SCN4A: variants seen among roughly 807,000 people sequenced by gnomAD.
SCN4A encodes the protein sodium channel protein type 4 subunit alpha.
In SCN4A, 83 loss-of-function variants were observed where a neutral mutation model predicts 162.0. The ratio of observed to expected loss-of-function variants is 0.51; its 90% CI spans 0.43 to 0.61. SCN4A has a LOEUF of 0.61. SCN4A is among the 20% of genes least tolerant of loss of function. SCN4A has a pLI of 0.00. For synonymous variants in SCN4A, 944 were observed against 985.1 expected (o/e 0.96, Z 0.78); for missense variants, 2,196 against 2,462.5 (o/e 0.89, Z 2.29).
rs779573211 is a variant in SCN4A, at chr17:63,959,322, C to T, written c.1962G>A (p.Leu654=). 1 of 1,613,986 alleles carries T rather than the reference C, an allele frequency of 6.2e-7. No individual in the cohort carries two copies. Among genetic ancestry groups the T allele is most frequent in the Non-Finnish European group, 8.5e-7 (1 of 1,179,872 alleles). The change falls in exon 12 of 24, where the codon CTG becomes CTA. Residue 654 remains leucine, a synonymous_variant. Transcript: ENST00000435607. Reference sequence around the variant, plus strand: ...GTACGTTGGCCAGGCCTAGCTCTACCAGGCTGAGGGTGACGATGATGCTGT... The same window carrying T: ...GTACGTTGGCCAGGCCTAGCTCTACTAGGCTGAGGGTGACGATGATGCTGT... ...IFDSIIVTLS[L]VELGLANVQG...
At position 63,951,940 on chromosome 17, in the gene SCN4A, G is replaced by A. The variant is rs1272491983; in HGVS notation, c.2377-40C>T. ...CAGGGGGAGCCTCACATCAGTCCCC[G>A]GGACCCAGAGGGTGCCACCTTCAGC... On this transcript the variant is annotated intron_variant, in intron 13 of 23. Transcript: ENST00000435607. The surrounding 1 kb of genome is among the most constrained non-coding windows in gnomAD (Gnocchi z 4.5). The A allele has an allele frequency of 1.8e-5, 23 of 1,302,678 alleles. No homozygotes were observed. The East Asian group carries it at 2.5e-4, about 14-fold the overall frequency. The allele number at this position is 1,302,678 out of a possible 1,614,324, so 80.7% of individuals were successfully genotyped here.
Position 63,941,081 on chromosome 17 carries a change from A to G in SCN4A, c.5201T>C (p.Ile1734Thr), listed in dbSNP as rs867550673. Residue 1734 changes from isoleucine to threonine, a missense_variant, in exon 24 of 24, where the codon ATC (isoleucine) becomes ACC (threonine). Transcript: ENST00000435607. This position sits in a 1 kb window ranked among gnomAD's most constrained non-coding sequence, Gnocchi z 6.2. The stretch of plus-strand genomic sequence containing the variant: ...CAGGTGCCGGCGGTAGGCCCTCTGG[A>G]TCTTGATGGCGCACACCTCCTCGTG... Reference protein sequence around the residue: ...RKHEEVCAIKIQRAYRRHLLQ... With the variant: ...RKHEEVCAIKTQRAYRRHLLQ... The G allele has an allele frequency of 6.2e-7, 1 of 1,613,656 alleles. No individual in the cohort carries two copies. Among genetic ancestry groups the G allele is most frequent in the Non-Finnish European group, 8.5e-7 (1 of 1,179,834 alleles).
At chr17:63,961,488 G>C (rs1001530241) in intron 10 of SCN4A, 57 bp from the exon 11 acceptor site, 8 of 1,275,724 alleles carry the variant, frequency 6.3e-6, no homozygotes, top group African/African-American at 1.5e-5. Flanking sequence ...CGTGCCCCCG[G>C]CTCCAGCTAG....
At position 63,961,290 on chromosome 17, in the gene SCN4A, C is replaced by T. The variant is rs2144798738; in HGVS notation, c.1748G>A (p.Gly583Asp). 1.2e-6 allele frequency: 2 copies of T among 1,613,466 alleles called. No homozygotes were observed. Among genetic ancestry groups the T allele is most frequent in the South Asian group, 2.2e-5 (2 of 91,056 alleles). ...LIVMDPFVDL[G>D]ITICIVLNTL... The stretch of plus-strand genomic sequence containing the variant: ...GTTGAGCACGATGCAGATGGTGATG[C>T]CCAGGTCCACGAACGGGTCCATGAC... Residue 583 changes from glycine (G) to aspartate (D), a missense_variant, in exon 11 of 24, where the codon GGC (glycine) becomes GAC (aspartate). Physicochemically the swap from Gly to Asp is moderately conservative, Grantham distance 94. Transcript: ENST00000435607.
At chr17:63,960,997 A>C (rs1200422359) in intron 11 of SCN4A, among the ~76,000 whole-genome samples, 196 bp downstream of exon 11, 56 of 111,386 alleles carry the variant, frequency 5.0e-4, no homozygotes, top group African/African-American at 1.8e-3. Context: ...CTGAAACCCC[A>C]GTTCTGTGTG....
At chr17:63,949,742 T>G in intron 14 of SCN4A, 3 of 511,104 alleles carry the variant, frequency 5.9e-6, no homozygotes, top group South Asian at 2.7e-5. Flanking sequence ...ATATAAGGAG[T>G]GGGGCGGGGC....
rs776175702 is a variant in SCN4A at position 63,961,181 on chromosome 17, G to A, written c.1845+12C>T. ...CTGCCCATGAATGATCCCCTCCCCCGCCCCTCCCTACCAGGTTGCCCACAG... is the reference window on the plus strand; with the variant it reads ...CTGCCCATGAATGATCCCCTCCCCCACCCCTCCCTACCAGGTTGCCCACAG... On this transcript the variant is annotated intron_variant, in intron 11 of 23. Coordinates refer to ENST00000435607, the MANE Select transcript of SCN4A (RefSeq NM_000334.4). 7 of 388,946 alleles carry A rather than the reference G, an allele frequency of 1.8e-5. No individual in the cohort carries two copies. Among genetic ancestry groups the A allele is most frequent in the African/African-American group, 5.0e-5 (1 of 20,052 alleles). 24.1% of individuals were successfully genotyped at this position (388,946 alleles called of 1,614,324 possible). A position where few individuals can be genotyped will look rare whatever the true frequency, so the allele number is the denominator to read the frequency against.
At position 63,940,919 on chromosome 17, in the gene SCN4A, C is replaced by T. The variant is rs1374689731; in HGVS notation, c.5363G>A (p.Ser1788Asn). 6.2e-6 allele frequency: 10 copies of T among 1,613,852 alleles called. No homozygotes were observed. Among genetic ancestry groups the T allele is most frequent in the Non-Finnish European group, 7.6e-6 (9 of 1,179,886 alleles). The change falls in exon 24 of 24, where the codon AGC becomes AAC. Residue 1788 changes from serine to asparagine, a missense_variant. Physicochemically the swap from Ser to Asn is conservative, Grantham distance 46. Coordinates refer to ENST00000435607, the MANE Select transcript of SCN4A (RefSeq NM_000334.4). ...GCCCTTCTCCTCCGGGCTTGGCGAG[C>T]TGCTGTTCCCATTCTCGTGGCCATA... ...KMYGHENGNS[S>N]SPSPEEKGEA...
chr17:63,941,752 C>T lies in SCN4A; in HGVS notation c.4530G>A (p.Glu1510=). The change falls in exon 24 of 24, where the codon GAG becomes GAA. Residue 1510 remains glutamate (E), a synonymous_variant. Transcript: ENST00000435607. This position sits in a 1 kb window ranked among gnomAD's most constrained non-coding sequence, Gnocchi z 6.2. ...GMSNFAYVKK[E]SGIDDMFNFE... ...AGTTGAACATATCATCGATGCCCGA[C>T]TCCTTCTTGACGTAGGCAAAGTTGG... 1.2e-6 allele frequency: 2 copies of T among 1,614,126 alleles called. No homozygotes were observed. The highest frequency in any genetic ancestry group is 2.2e-5 in the South Asian group (2 of 91,076).
At chr17:63,949,299 C>G in intron 15 of SCN4A, 94 bp downstream of exon 15, 1 of 1,362,132 alleles carries the variant, frequency 7.3e-7, no homozygotes, top group South Asian at 1.4e-5. Flanking sequence ...CAGGCAGCCC[C>G]AGGTCCGTGT....
At chr17:63,967,872 G>T (rs1169633454) in intron 6 of SCN4A, 151 bp downstream of exon 6, 1 of 679,510 alleles carries the variant, frequency 1.5e-6, no homozygotes, top group Non-Finnish European at 2.5e-6. Flanking sequence ...GGCGGAGGTT[G>T]TAGTGAGCTG....
chr17:63,947,176 G>T lies in SCN4A; in HGVS notation c.3319-9C>A, dbSNP rs762842902. ...AAGCTGATGATGGAGACCTGCAGGG[G>T]AGGGGTGAGGGGATCAGTGCGTGCA... is the stretch of plus-strand genomic sequence containing the variant. On this transcript the variant is annotated splice_polypyrimidine_tract_variant and intron_variant, in intron 17 of 23. Transcript: ENST00000435607. 8.1e-6 allele frequency: 13 copies of T among 1,612,926 alleles called. No homozygotes were observed. Among genetic ancestry groups the T allele is most frequent in the East Asian group, 2.2e-5 (1 of 44,880 alleles).
intron 3 of SCN4A, 86 bp from the exon 4 acceptor site, chr17:63,971,936 A>G: frequency 6.9e-7 from 1 of 1,446,550 alleles, no homozygotes; most frequent in East Asian, 2.3e-5. Context: ...AGGGAGGGAC[A>G]CAGAAATGAA....
intron 11 of SCN4A, among the ~76,000 whole-genome samples, chr17:63,959,733 ATAT>A (rs1909185147): frequency 6.6e-6 from 1 of 152,178 alleles, no homozygotes; most frequent in African/African-American, 2.4e-5. Context: ...CCCTGTCATA[ATAT>A]TCAACATTTG....
intron 5 of SCN4A, among the ~76,000 whole-genome samples, chr17:63,969,737 C>T (rs1231614314): frequency 6.6e-6 from 1 of 151,514 alleles, no homozygotes; most frequent in African/African-American, 2.4e-5. Context: ...TCTGCCTCCT[C>T]GATTCAAGTG....
At position 63,964,682 on chromosome 17, in the gene SCN4A, G is replaced by T. The variant is rs374257387; in HGVS notation, c.1243-5C>A. 35 of 1,599,096 alleles carry T rather than the reference G, an allele frequency of 2.2e-5. No individual in the cohort carries two copies. The highest frequency in any genetic ancestry group is 3.0e-5 in the Non-Finnish European group (35 of 1,173,684). On this transcript the variant is annotated splice_polypyrimidine_tract_variant and splice_region_variant and intron_variant, in intron 8 of 23. Transcript: ENST00000435607. ...CTTGCCAGCTGCTCGAAGGGTCTGG[G>T]AGTGGAGGGAGAGGGAGTGGAGGGG...
intron 5 of SCN4A, 113 bp from the exon 6 acceptor site, chr17:63,968,468 C>G: frequency 1.3e-6 from 1 of 765,912 alleles, no homozygotes; most frequent in Non-Finnish European, 2.1e-6. Flanking sequence ...GCTTGACTTA[C>G]TGAGCACCAC....
Position 63,961,254 on chromosome 17 carries a change from A to G in SCN4A, c.1784T>C (p.Met595Thr). The change falls in exon 11 of 24, where the codon ATG becomes ACG. Residue 595 changes from methionine to threonine, a missense_variant. Transcript: ENST00000435607. The part of the protein sequence containing the change: ...TICIVLNTLF[M>T]AMEHYPMTEH... ...CGTCATGGGGTAATGTTCCATGGCC[A>G]TGAAGAGGGTGTTGAGCACGATGCA... 6.7e-7 allele frequency: 1 copy of G among 1,490,986 alleles called. No individual in the cohort carries two copies. The highest frequency in any genetic ancestry group is 9.0e-7 in the Non-Finnish European group (1 of 1,107,130). 92.4% of individuals were successfully genotyped at this position (1,490,986 alleles called of 1,614,324 possible). A position where few individuals can be genotyped will look rare whatever the true frequency, so the allele number is the denominator to read the frequency against.
Position 63,948,044 on chromosome 17 carries a change from A to G in SCN4A, c.3164T>C (p.Ile1055Thr), listed in dbSNP as rs893049769. 7 of 1,605,572 alleles carry G rather than the reference A, an allele frequency of 4.4e-6. No homozygotes were observed. The highest frequency in any genetic ancestry group is 2.7e-5 in the African/African-American group (2 of 74,880). ...GGTGCGAATGACTCGCCGCTGCTCA[A>G]TGTAGATGTCCTCGAAGGCCTGGGG... ...SGALAFEDIY[I>T]EQRRVIRTIL... The change falls in exon 17 of 24, where the codon ATT becomes ACT. Residue 1055 changes from isoleucine (I) to threonine (T), a missense_variant. Physicochemically the swap from Ile to Thr is moderately conservative, Grantham distance 89. Coordinates refer to ENST00000435607, the MANE Select transcript of SCN4A (RefSeq NM_000334.4).
Sources: gnomAD v4.1 joint callset for allele counts (sites outside exome capture counted in the v4.1 genomes callset) on GRCh38, gnomAD v4.1.1 for gene constraint, Gnocchi (gnomAD v3.1) non-coding constraint, MANE v1.5 for transcripts, NCBI Gene and HGNC (gene_info 2026-07-23, HGNC 2026-07-21) for gene names.